APOO: variants seen among roughly 807,000 people sequenced by gnomAD.
The protein encoded by APOO is apolipoprotein O.
In APOO, 11 loss-of-function variants were observed where a neutral mutation model predicts 23.1. The ratio of observed to expected loss-of-function variants is 0.48; its 90% CI spans 0.30 to 0.79. The LOEUF (loss-of-function observed/expected upper bound fraction) is 0.79, where lower values mean the gene tolerates loss of function less well. Among genes scored for constraint, APOO ranks in the 30% least tolerant of loss-of-function variants. APOO has a pLI of 0.07. For missense variants in APOO, 160 were observed against 142.7 expected (o/e 1.12, Z -0.62); for synonymous variants, 59 against 54.8 (o/e 1.08, Z -0.34).
At chrX:23,840,061 T>G in intron 8 of APOO, 1 of 206,184 alleles carries the variant, frequency 4.9e-6, no homozygotes. Flanking sequence ...ACTTTTCAAT[T>G]GTTTGAAATA....
At chrX:23,897,280 A>C (rs1369872136) in intron 1 of APOO, among the ~76,000 whole-genome samples, 2 of 112,515 alleles carry the variant, frequency 1.8e-5, no homozygotes, top group African/African-American at 6.5e-5. Context: ...ATTAGATTTT[A>C]TAAAATTCAT....
intron 7 of APOO, among the ~76,000 whole-genome samples, chrX:23,845,910 T>C (rs1372100268): frequency 8.9e-6 from 1 of 112,087 alleles, no homozygotes; most frequent in Non-Finnish European, 1.9e-5. Flanking sequence ...TCAGCAGTCA[T>C]TGTACAATTC....
intron 1 of APOO, among the ~76,000 whole-genome samples, chrX:23,886,895 G>T (rs1010522990): frequency 9.0e-6 from 1 of 111,508 alleles, no homozygotes; most frequent in African/African-American, 3.3e-5. Flanking sequence ...TCAAAATCAG[G>T]ATTTAAGAAG....
At chrX:23,864,768 G>A (rs1476044774) in intron 5 of APOO, among the ~76,000 whole-genome samples, 1 of 112,070 alleles carries the variant, frequency 8.9e-6, no homozygotes, top group Non-Finnish European at 1.9e-5. Flanking sequence ...TCCTGATCCT[G>A]TTGCATGAAT....
At chrX:23,845,385 T>C (rs892984064) in intron 7 of APOO, among the ~76,000 whole-genome samples, 8 of 111,802 alleles carry the variant, frequency 7.2e-5, no homozygotes, top group Non-Finnish European at 1.5e-4. Flanking sequence ...ATCTGCCCTC[T>C]TGGCAGATTT....
At chrX:23,843,097 A>G (rs997093322) in intron 7 of APOO, among the ~76,000 whole-genome samples, 1 of 111,985 alleles carries the variant, frequency 8.9e-6, no homozygotes, top group African/African-American at 3.2e-5. Flanking sequence ...TGCTTGCCAA[A>G]TACTTCCAAT....
In APOO at chrX:23,907,749, C is replaced by T; in HGVS notation, c.-47G>A. The T allele has an allele frequency of 8.7e-7, 1 of 1,155,183 alleles. No individual in the cohort carries two copies. The highest frequency in any genetic ancestry group is 1.2e-6 in the Non-Finnish European group (1 of 867,442). Reference sequence around the variant, plus strand: ...GGCAGGGTCACCCCGGCCTCGGCCACGCCCACTATAGAGAGGTGACTACGG... The same window carrying T: ...GGCAGGGTCACCCCGGCCTCGGCCATGCCCACTATAGAGAGGTGACTACGG... On this transcript the variant is annotated 5_prime_UTR_variant, in exon 1 of 9. In the 5' UTR this introduces an upstream ATG that the reference lacks. Coordinates refer to ENST00000379226, the MANE Select transcript of APOO (RefSeq NM_024122.5).
chrX:23,867,138 CG>C (rs1482338225), intron 5 of APOO, among the ~76,000 whole-genome samples: 1 of 110,512 alleles, frequency 9.0e-6, no homozygotes, highest in Non-Finnish European at 1.9e-5. Context: ...CGAAACGAAA[CG>C]AAACGAAACT....
intron 8 of APOO, among the ~76,000 whole-genome samples, chrX:23,839,481 A>G (rs989619973): frequency 9.0e-6 from 1 of 111,435 alleles, no homozygotes; most frequent in Non-Finnish European, 1.9e-5. Context: ...AGGAAAAAAG[A>G]CCCTTCAAAC....
chrX:23,857,255 T>TAAA (rs11410849), intron 6 of APOO, among the ~76,000 whole-genome samples: 1 of 90,468 alleles, frequency 1.1e-5, no homozygotes, highest in Non-Finnish European at 2.2e-5. Flanking sequence ...GAAAGAAATT[T>TAAA]AAAAAAAAAA....
At chrX:23,885,521 A>G (rs1052602716) in intron 1 of APOO, among the ~76,000 whole-genome samples, 4 of 108,829 alleles carry the variant, frequency 3.7e-5, no homozygotes, top group Non-Finnish European at 7.6e-5. Context: ...TTGGCCTCCC[A>G]AAGTGCTGGG....
chrX:23,842,551 G>C (rs1223627248), intron 7 of APOO, among the ~76,000 whole-genome samples: 1 of 112,003 alleles, frequency 8.9e-6, no homozygotes, highest in Non-Finnish European at 1.9e-5. Flanking sequence ...TAATTAGTAT[G>C]ACTGCCATGT....
chrX:23,846,920 G>A (rs1205576997), intron 7 of APOO, among the ~76,000 whole-genome samples: 1 of 111,529 alleles, frequency 9.0e-6, no homozygotes, highest in Admixed American at 9.7e-5. Context: ...GAAAAGACAA[G>A]CCATATTGAG....
chrX:23,847,526 T>C (rs939421564), intron 7 of APOO, among the ~76,000 whole-genome samples: 70 of 109,956 alleles, frequency 6.4e-4, no homozygotes, highest in African/African-American at 2.1e-3. Context: ...CTCGGGAGGC[T>C]GAGGCAGGAG....
chrX:23,894,880 C>T (rs928250178), intron 1 of APOO, among the ~76,000 whole-genome samples: 2 of 110,542 alleles, frequency 1.8e-5, no homozygotes, highest in African/African-American at 6.6e-5. Context: ...TTCGGTGGCT[C>T]GAGCCTGTAA....
chrX:23,904,512 T>G (rs1601949196), intron 1 of APOO, among the ~76,000 whole-genome samples: 1 of 102,040 alleles, frequency 9.8e-6, no homozygotes, highest in Non-Finnish European at 2.0e-5. Context: ...TGGTTTTTTT[T>G]TTTTTTTTTT....
At chrX:23,881,775 A>T (rs1926148726) in intron 1 of APOO, among the ~76,000 whole-genome samples, 1 of 65,305 alleles carries the variant, frequency 1.5e-5, no homozygotes, top group Non-Finnish European at 2.3e-5. Flanking sequence ...CGTCTCTACT[A>T]AAATTACAAA....
intron 7 of APOO, among the ~76,000 whole-genome samples, chrX:23,842,340 G>A (rs1360526149): frequency 8.9e-6 from 1 of 111,758 alleles, no homozygotes; most frequent in African/African-American, 3.3e-5. Flanking sequence ...AGTAAGCTGT[G>A]ACTGCACAAC....
intron 8 of APOO, among the ~76,000 whole-genome samples, chrX:23,837,586 C>A (rs1346329510): frequency 9.3e-5 from 10 of 107,725 alleles, no homozygotes; most frequent in Admixed American, 3.0e-4. Context: ...CAAAAACATG[C>A]ATGTATGCAT....
Sources: gnomAD v4.1 joint callset for allele counts (sites outside exome capture counted in the v4.1 genomes callset) on GRCh38, gnomAD v4.1.1 for gene constraint, MANE v1.5 for transcripts, NCBI Gene and HGNC (gene_info 2026-07-23, HGNC 2026-07-21) for gene names.